The following SHISA9 variants were observed in gnomAD, a reference collection of about 807,000 sequenced individuals.
SHISA9 encodes the protein shisa family member 9, also known as protein shisa-9.
Under a neutral mutation model 38.0 loss-of-function variants are expected in SHISA9, and 13 were observed. That is an observed-to-expected ratio of 0.34 (90% CI 0.22 to 0.54). The LOEUF is 0.54. Ranked by LOEUF, SHISA9 falls within the 20% of genes least tolerant of loss-of-function variation. The pLI is 0.91. For synonymous variants in SHISA9, 275 were observed against 242.0 expected (o/e 1.14, Z -1.27); for missense variants, 538 against 575.8 (o/e 0.93, Z 0.67).
At chr16:13,511,306 C>T in the SHISA9 span, among the ~76,000 whole-genome samples, 112 of 152,224 alleles carry the variant, frequency 7.4e-4, no homozygotes, top group African/African-American at 2.3e-3. Flanking sequence ...AACAAAGAAG[C>T]GGAAATACCC....
intron 2 of SHISA9, among the ~76,000 whole-genome samples, chr16:13,009,979 C>T (rs116288036): frequency 0.032 from 4,793 of 152,100 alleles, 233 homozygotes; most frequent in African/African-American, 0.11. Flanking sequence ...GAGTTTGACA[C>T]CAGCCTGGAT....
the SHISA9 span, among the ~76,000 whole-genome samples, chr16:13,492,997 C>G: frequency 6.6e-6 from 1 of 152,056 alleles, no homozygotes; most frequent in East Asian, 1.9e-4. Context: ...TAGAAAGGGC[C>G]AGCTCCTGCT....
intron 2 of SHISA9, among the ~76,000 whole-genome samples, chr16:13,013,751 G>A (rs552433947): frequency 1.9e-4 from 29 of 151,258 alleles, no homozygotes; most frequent in African/African-American, 2.7e-4. Context: ...TTTTTGAGAC[G>A]GAGTCTCGCT....
chr16:13,046,565 A>G (rs912443188), intron 2 of SHISA9, among the ~76,000 whole-genome samples: 2 of 152,216 alleles, frequency 1.3e-5, no homozygotes, highest in African/African-American at 4.8e-5. Flanking sequence ...TTCTGTGCAA[A>G]GCAGGCAGGG....
the SHISA9 span, among the ~76,000 whole-genome samples, chr16:13,251,469 A>G: frequency 1.3e-5 from 2 of 152,122 alleles, no homozygotes; most frequent in African/African-American, 4.8e-5. Context: ...GAAGTGTGAG[A>G]GGGTTAACAC....
intron 2 of SHISA9, among the ~76,000 whole-genome samples, chr16:12,965,046 C>T (rs1567354724): frequency 6.6e-6 from 1 of 152,048 alleles, no homozygotes; most frequent in Non-Finnish European, 1.5e-5. Flanking sequence ...TATATATACA[C>T]ACACATACAT....
chr16:13,124,645 A>G (rs2050241275), intron 2 of SHISA9, among the ~76,000 whole-genome samples: 2 of 152,174 alleles, frequency 1.3e-5, no homozygotes, highest in Admixed American at 6.5e-5. Context: ...ACCACAAAAG[A>G]CCCAGAATAG....
intron 2 of SHISA9, among the ~76,000 whole-genome samples, chr16:13,038,503 G>A (rs1056468062): frequency 1.3e-5 from 2 of 152,132 alleles, no homozygotes; most frequent in Admixed American, 6.5e-5. Context: ...CCTCCAATGT[G>A]AGCCTTACTC....
At chr16:13,505,079 C>G in the SHISA9 span, among the ~76,000 whole-genome samples, 1 of 152,198 alleles carries the variant, frequency 6.6e-6, no homozygotes, top group Non-Finnish European at 1.5e-5. Context: ...ATTTTTTCCT[C>G]TTTCTGCTTT....
intron 2 of SHISA9, among the ~76,000 whole-genome samples, chr16:13,070,482 C>G (rs1397667442): frequency 6.6e-6 from 1 of 152,162 alleles, no homozygotes; most frequent in South Asian, 2.1e-4. Context: ...GGGGGAGGGA[C>G]ATTCTCCGGG....
At chr16:13,333,111 C>T in the SHISA9 span, among the ~76,000 whole-genome samples, 1 of 152,336 alleles carries the variant, frequency 6.6e-6, no homozygotes, top group South Asian at 2.1e-4. Context: ...GAATGGTTCT[C>T]TCCAGGGCAG....
intron 2 of SHISA9, among the ~76,000 whole-genome samples, chr16:13,164,902 G>T (rs1486656122): frequency 6.6e-6 from 1 of 152,046 alleles, no homozygotes; most frequent in East Asian, 1.9e-4. Flanking sequence ...TTACAATATG[G>T]TTCATCTGTG....
the SHISA9 span, among the ~76,000 whole-genome samples, chr16:13,438,313 G>C: frequency 6.6e-6 from 1 of 152,006 alleles, no homozygotes; most frequent in Non-Finnish European, 1.5e-5. Flanking sequence ...GTATGCATTG[G>C]GCACATAGGA....
intron 2 of SHISA9, among the ~76,000 whole-genome samples, chr16:13,013,238 C>A (rs1158610650): frequency 6.6e-6 from 1 of 152,190 alleles, no homozygotes; most frequent in Non-Finnish European, 1.5e-5. Context: ...ACCGGAATCA[C>A]GTCCTCTGCA....
intron 2 of SHISA9, among the ~76,000 whole-genome samples, chr16:12,993,402 C>T (rs375714684): frequency 2.0e-5 from 3 of 152,226 alleles, no homozygotes; most frequent in South Asian, 2.1e-4. Context: ...TATCTGGTCT[C>T]GGTTTTTCCT....
the SHISA9 span, among the ~76,000 whole-genome samples, chr16:13,309,547 G>T: frequency 1.3e-5 from 2 of 150,914 alleles, no homozygotes; most frequent in Non-Finnish European, 2.9e-5. Context: ...GGAGGCTGAG[G>T]CATGACGATC....
At chr16:13,022,249 T>C (rs1320702133) in intron 2 of SHISA9, among the ~76,000 whole-genome samples, 1 of 152,148 alleles carries the variant, frequency 6.6e-6, no homozygotes, top group Non-Finnish European at 1.5e-5. Flanking sequence ...ATTCCTGGAC[T>C]GAAGCCATCC....
intron 2 of SHISA9, among the ~76,000 whole-genome samples, chr16:13,020,955 T>A (rs2072845630): frequency 6.6e-6 from 1 of 152,196 alleles, no homozygotes; most frequent in Non-Finnish European, 1.5e-5. Flanking sequence ...AGTCCCGGGA[T>A]TCTCTGGTGA....
At chr16:13,164,746 A>G (rs952931476) in intron 2 of SHISA9, among the ~76,000 whole-genome samples, 1 of 152,002 alleles carries the variant, frequency 6.6e-6, no homozygotes, top group Non-Finnish European at 1.5e-5. Flanking sequence ...TTTTAATTTT[A>G]TTCATAGGTT....
Sources: gnomAD v4.1 joint callset for allele counts (sites outside exome capture counted in the v4.1 genomes callset) on GRCh38, gnomAD v4.1.1 for gene constraint, MANE v1.5 for transcripts, NCBI Gene and HGNC (gene_info 2026-07-23, HGNC 2026-07-21) for gene names.